SLC37A3: variants seen among roughly 807,000 people sequenced by gnomAD.
SLC37A3 encodes sugar phosphate exchanger 3.
In SLC37A3, 51 loss-of-function variants were observed where a neutral mutation model predicts 67.1. The observed-to-expected ratio is 0.76, with a 90% CI of 0.61 to 0.96. The LOEUF (loss-of-function observed/expected upper bound fraction) is 0.96, where lower values mean the gene tolerates loss of function less well. SLC37A3 is among the 40% of genes least tolerant of loss of function. The probability of loss-of-function intolerance (pLI) is 0.00; values close to 1 mark genes in which losing one functional copy is unlikely to be tolerated. For missense variants in SLC37A3, 508 were observed against 603.0 expected, an observed-to-expected ratio of 0.84 and a Z score of 1.65; for synonymous variants, 214 against 231.4, an observed-to-expected ratio of 0.92 and a Z score of 0.68.
In SLC37A3 at chr7:140,345,281, G is replaced by A; in HGVS notation, c.1127-18C>T. The A allele has an allele frequency of 6.2e-7, 1 of 1,611,976 alleles. No individual in the cohort carries two copies. The highest frequency in any genetic ancestry group is 8.5e-7 in the Non-Finnish European group (1 of 1,178,302). Reference sequence around the variant, plus strand: ...TGGAGAACCTGTGAGGGAAGACACAGACAAACCATGGTGGCTTGAAAAGCA... The same window carrying A: ...TGGAGAACCTGTGAGGGAAGACACAAACAAACCATGGTGGCTTGAAAAGCA... On this transcript the variant is annotated intron_variant, in intron 11 of 14. Coordinates refer to ENST00000326232, the MANE Select transcript of SLC37A3 (RefSeq NM_207113.3).
At chr7:140,382,203 A>G (rs965101803) in intron 2 of SLC37A3, among the ~76,000 whole-genome samples, 6 of 152,018 alleles carry the variant, frequency 3.9e-5, no homozygotes, top group African/African-American at 1.4e-4. Context: ...ACTAACTACA[A>G]GTAGCATTCC....
chr7:140,351,668 T>C (rs1195224812), intron 8 of SLC37A3: 1 of 578,266 alleles, frequency 1.7e-6, no homozygotes. Flanking sequence ...TTTGCTTCTG[T>C]GGTTTCATTT....
At chr7:140,353,886 AT>A (rs1404003471) in intron 7 of SLC37A3, among the ~76,000 whole-genome samples, 2 of 151,838 alleles carry the variant, frequency 1.3e-5, no homozygotes, top group African/African-American at 2.4e-5. Flanking sequence ...TAATTTTTGT[AT>A]TTTTAGTAGA....
intron 3 of SLC37A3, among the ~76,000 whole-genome samples, chr7:140,376,541 C>T (rs1349152033): frequency 6.6e-6 from 1 of 152,158 alleles, no homozygotes; most frequent in East Asian, 1.9e-4. Flanking sequence ...TGAGGTACTT[C>T]CTGTGCACAC....
At chr7:140,395,697 G>A (rs1400682989) in intron 1 of SLC37A3, among the ~76,000 whole-genome samples, 2 of 151,956 alleles carry the variant, frequency 1.3e-5, no homozygotes, top group East Asian at 3.9e-4. Context: ...AACAGAGCAA[G>A]ACTCTGTCTC....
At chr7:140,348,436 T>G (rs1796656156) in intron 10 of SLC37A3, 190 bp downstream of exon 10, 1 of 610,686 alleles carries the variant, frequency 1.6e-6, no homozygotes, top group African/African-American at 2.0e-5. Context: ...TCTATGGACC[T>G]CTTGTTTTTT....
At chr7:140,367,555 A>C (rs1348432580) in intron 4 of SLC37A3, among the ~76,000 whole-genome samples, 1 of 152,216 alleles carries the variant, frequency 6.6e-6, no homozygotes, top group Non-Finnish European at 1.5e-5. Context: ...TTGAGAATTA[A>C]AAGGCGTTTT....
intron 14 of SLC37A3, among the ~76,000 whole-genome samples, chr7:140,336,327 C>T (rs1028897794): frequency 1.3e-5 from 2 of 152,142 alleles, no homozygotes; most frequent in Non-Finnish European, 1.5e-5. Flanking sequence ...GGAGGACCCC[C>T]TGAGCCCAAG....
intron 1 of SLC37A3, among the ~76,000 whole-genome samples, chr7:140,389,829 C>G (rs947329553): frequency 1.5e-4 from 23 of 152,172 alleles, no homozygotes; most frequent in Admixed American, 2.6e-4. Flanking sequence ...AGAGTCCTTT[C>G]CAACCCAAAT....
At position 140,335,328 on chromosome 7, in the gene SLC37A3, T is replaced by C. The variant is rs754332025; in HGVS notation, c.*84A>G. The C allele has an allele frequency of 6.2e-7, 1 of 1,614,160 alleles. No individual in the cohort carries two copies. ...CAATCCAAGATCAGGCTGGAGCTCCTAGACAAACCCAAATTAGGGCAGACT... is the reference window on the plus strand; with the variant it reads ...CAATCCAAGATCAGGCTGGAGCTCCCAGACAAACCCAAATTAGGGCAGACT... On this transcript the variant is annotated 3_prime_UTR_variant, in exon 15 of 15. Coordinates refer to ENST00000326232, the MANE Select transcript of SLC37A3 (RefSeq NM_207113.3).
At position 140,342,666 on chromosome 7, in the gene SLC37A3, T is replaced by C. The variant is rs144386645; in HGVS notation, c.1326+746A>G. On this transcript the variant is annotated intron_variant, in intron 13 of 14. Coordinates refer to ENST00000326232, the MANE Select transcript of SLC37A3 (RefSeq NM_207113.3). ...AAAGAAATATCTGTCCCAGAGAAAG[T>C]TGAATTTATGCAAAAAAAAAAAAGG... is the stretch of plus-strand genomic sequence containing the variant. 1.9e-3 allele frequency among the ~76,000 whole-genome samples: 237 copies of C among 123,644 alleles called. 1 individual carries two copies. Among genetic ancestry groups the C allele is most frequent in the African/African-American group, 8.0e-3 (229 of 28,626 alleles). 81.1% of individuals were successfully genotyped at this position (123,644 alleles called of 152,430 possible). A position where few individuals can be genotyped will look rare whatever the true frequency, so the allele number is the denominator to read the frequency against.
intron 13 of SLC37A3, among the ~76,000 whole-genome samples, chr7:140,339,269 T>C (rs1176162248): frequency 6.6e-6 from 1 of 150,516 alleles, no homozygotes; most frequent in Admixed American, 6.6e-5. Flanking sequence ...GTTTTGTTTT[T>C]TTTTTTTTTT....
chr7:140,382,067 T>C (rs369911417), intron 2 of SLC37A3, among the ~76,000 whole-genome samples: 1 of 109,970 alleles, frequency 9.1e-6, no homozygotes, highest in Non-Finnish European at 2.0e-5. Context: ...AAGTACAAAA[T>C]AAAAAAAAAA....
chr7:140,356,197 A>G (rs1797022565), intron 6 of SLC37A3, among the ~76,000 whole-genome samples: 1 of 150,952 alleles, frequency 6.6e-6, no homozygotes. Context: ...CCACCTCCCA[A>G]AAAAAAAAAA....
At chr7:140,339,574 C>A (rs1329445004) in intron 13 of SLC37A3, among the ~76,000 whole-genome samples, 1 of 150,318 alleles carries the variant, frequency 6.7e-6, no homozygotes, top group African/African-American at 2.4e-5. Context: ...AGTTTTCAAT[C>A]TTTCGGGAAA....
At chr7:140,369,303 A>G (rs1797727579) in intron 4 of SLC37A3, among the ~76,000 whole-genome samples, 2 of 152,204 alleles carry the variant, frequency 1.3e-5, no homozygotes, top group Admixed American at 6.5e-5. Context: ...ATTTATTTGT[A>G]GCATTTGGTT....
intron 9 of SLC37A3, among the ~76,000 whole-genome samples, chr7:140,349,761 T>G (rs1563014980): frequency 6.6e-6 from 1 of 152,176 alleles, no homozygotes; most frequent in Non-Finnish European, 1.5e-5. Context: ...TTTACATCCC[T>G]GCCCATGTCA....
chr7:140,352,314 G>T, intron 7 of SLC37A3, 168 bp from the exon 8 acceptor site: 1 of 615,416 alleles, frequency 1.6e-6, no homozygotes, highest in Non-Finnish European at 2.9e-6. Flanking sequence ...CATGCAAAGT[G>T]TTCTACTCGT....
At chr7:140,367,784 T>C (rs1797660633) in intron 4 of SLC37A3, among the ~76,000 whole-genome samples, 3 of 149,834 alleles carry the variant, frequency 2.0e-5, no homozygotes, top group South Asian at 4.2e-4. Flanking sequence ...CCGTGGAATG[T>C]CTCCCAGGGT....
Sources: gnomAD v4.1 joint callset for allele counts (sites outside exome capture counted in the v4.1 genomes callset) on GRCh38, gnomAD v4.1.1 for gene constraint, MANE v1.5 for transcripts, NCBI Gene and HGNC (gene_info 2026-07-23, HGNC 2026-07-21) for gene names.